The following HUWE1 variants were observed in gnomAD, a reference collection of about 807,000 sequenced individuals.
The protein encoded by HUWE1 is E3 ubiquitin-protein ligase HUWE1.
HUWE1 carries 18 observed loss-of-function variants against 299.4 expected under a neutral mutation model. The ratio of observed to expected loss-of-function variants is 0.06; its 90% CI spans 0.04 to 0.09. The LOEUF is 0.09. HUWE1 is among the 10% of genes least tolerant of loss of function. The pLI is 1.00. For missense variants in HUWE1, 1,832 were observed against 3,462.3 expected, an observed-to-expected ratio of 0.53 and a Z score of 11.82; for synonymous variants, 1,317 against 1,286.1, an observed-to-expected ratio of 1.02 and a Z score of -0.51.
chrX:53,557,720 G>T (rs1003462106), intron 59 of HUWE1, among the ~76,000 whole-genome samples: 2 of 111,884 alleles, frequency 1.8e-5, no homozygotes, highest in Non-Finnish European at 3.8e-5. Context: ...ATTCTAGCAA[G>T]AATTTCTTGG....
rs1556970176 is a variant in HUWE1 at position 53,583,678 on chromosome X, A to G, written c.5400T>C (p.Ser1800=). 8.3e-7 allele frequency: 1 copy of G among 1,208,103 alleles called. No homozygotes were observed. The highest frequency in any genetic ancestry group is 1.8e-5 in the African/African-American group (1 of 56,906). The change falls in exon 42 of 84, where the codon AGT becomes AGC. Residue 1800 remains serine (S), a synonymous_variant. Coordinates refer to ENST00000262854, the MANE Select transcript of HUWE1 (RefSeq NM_031407.7). ...KYAMMFAELK[S]TRMILNLTQS... Reference sequence around the variant, plus strand: ...GGGTCAAATTCAAGATCATGCGGGTACTCTTCAGTTCTGCAAACATCATGG... The same window carrying G: ...GGGTCAAATTCAAGATCATGCGGGTGCTCTTCAGTTCTGCAAACATCATGG...
chrX:53,673,767 A>C (rs2069671572), intron 3 of HUWE1, among the ~76,000 whole-genome samples: 1 of 111,817 alleles, frequency 8.9e-6, no homozygotes, highest in Admixed American at 9.5e-5. Flanking sequence ...AAATGTTAAA[A>C]ATGATCAATT....
rs782792610 is a variant in HUWE1, at chrX:53,633,510, AC to A, written c.567+725del. Among the ~76,000 whole-genome samples, 6 of 112,266 alleles carry A rather than the reference AC, an allele frequency of 5.3e-5. No individual in the cohort carries two copies. The South Asian group carries it at 2.2e-3, about 41-fold the overall frequency. On this transcript the variant is annotated intron_variant, in intron 8 of 83. Transcript: ENST00000262854. The stretch of plus-strand genomic sequence containing the variant: ...GTATGCCAGCTAACGTGGGAAAGTA[AC>A]TTGATCTAATCTGTGGTTTTCTGAG...
At chrX:53,568,360 G>C (rs1556947509) in intron 49 of HUWE1, among the ~76,000 whole-genome samples, 1 of 110,929 alleles carries the variant, frequency 9.0e-6, no homozygotes, top group Non-Finnish European at 1.9e-5. Context: ...AACCAATAAG[G>C]TAATCATGGT....
rs1556988767 is a variant in HUWE1, at chrX:53,600,102, A to G, written c.3163+16T>C. 1 of 1,197,506 alleles carries G rather than the reference A, an allele frequency of 8.4e-7. No individual in the cohort carries two copies. The highest frequency in any genetic ancestry group is 1.8e-5 in the South Asian group (1 of 56,697). ...ACTGAAAGCCAGAAAAGGTAGGAGA[A>G]AGGAGAATGACTCACCTGATAACAA... On this transcript the variant is annotated intron_variant, in intron 29 of 83. Coordinates refer to ENST00000262854, the MANE Select transcript of HUWE1 (RefSeq NM_031407.7).
intron 33 of HUWE1, 52 bp downstream of exon 33, chrX:53,592,346 C>T: frequency 1.1e-6 from 1 of 904,906 alleles, no homozygotes; most frequent in Admixed American, 2.2e-5. Context: ...GTAAGCATCA[C>T]ACTCCATTGG....
chrX:53,683,399 T>C (rs782656963), intron 2 of HUWE1, among the ~76,000 whole-genome samples: 2 of 109,756 alleles, frequency 1.8e-5, no homozygotes, highest in South Asian at 7.9e-4. Context: ...TTCATCCGGG[T>C]CGTCGGAGGT....
In HUWE1 at chrX:53,533,263, G is replaced by T; in HGVS notation, c.*46C>A. 3 of 856,003 alleles carry T rather than the reference G, an allele frequency of 3.5e-6. No homozygotes were observed. The highest frequency in any genetic ancestry group is 5.2e-6 in the Non-Finnish European group (3 of 579,310). 70.5% of individuals were successfully genotyped at this position (856,003 alleles called of 1,213,427 possible). On this transcript the variant is annotated 3_prime_UTR_variant, in exon 84 of 84. Coordinates refer to ENST00000262854, the MANE Select transcript of HUWE1 (RefSeq NM_031407.7). Reference sequence around the variant, plus strand: ...CTTTTTTTAACTCCCCCCTCCCCAGGTCCAACAATGGTAAAAAAAACCCCA... The same window carrying T: ...CTTTTTTTAACTCCCCCCTCCCCAGTTCCAACAATGGTAAAAAAAACCCCA...
chrX:53,536,068 A>G (rs2061048070), intron 80 of HUWE1, 79 bp downstream of exon 80: 2 of 614,594 alleles, frequency 3.3e-6, no homozygotes. Context: ...AAGGTCACGC[A>G]GTGCTAGTTC....
chrX:53,560,200 A>T lies in HUWE1; in HGVS notation c.7724T>A (p.Leu2575His). 1 of 1,184,468 alleles carries T rather than the reference A, an allele frequency of 8.4e-7. No homozygotes were observed. Among genetic ancestry groups the T allele is most frequent in the South Asian group, 1.8e-5 (1 of 54,063 alleles). The change falls in exon 56 of 84, where the codon CTT (leucine) becomes CAT (histidine). Residue 2575 changes from leucine to histidine, a missense_variant. Coordinates refer to ENST00000262854, the MANE Select transcript of HUWE1 (RefSeq NM_031407.7). ...CTCTGTAACTCACCTCTGCAGTATA[A>T]GAGGAGGGTTGGGCTGGCGATTCCC... ...YPGNRQPNPP[L>H]ILQRLLGPSA...
At chrX:53,616,144 C>G (rs1447647773) in intron 21 of HUWE1, among the ~76,000 whole-genome samples, 14 of 110,221 alleles carry the variant, frequency 1.3e-4, no homozygotes, top group Non-Finnish European at 2.3e-4. Context: ...CTCCTGAGCT[C>G]AAGTGATCTG....
At chrX:53,651,679 G>A (rs2068483056) in intron 4 of HUWE1, among the ~76,000 whole-genome samples, 1 of 111,051 alleles carries the variant, frequency 9.0e-6, no homozygotes, top group African/African-American at 3.3e-5. Flanking sequence ...ACACACGGAG[G>A]GCAGACTATA....
Position 53,586,877 on chromosome X carries a change from T to C in HUWE1, c.4647A>G (p.Glu1549=). 1 of 1,211,226 alleles carries C rather than the reference T, an allele frequency of 8.3e-7. No homozygotes were observed. The highest frequency in any genetic ancestry group is 1.1e-6 in the Non-Finnish European group (1 of 895,103). Residue 1549 remains glutamate, a synonymous_variant, in exon 38 of 84, where the codon GAA becomes GAG. Coordinates refer to ENST00000262854, the MANE Select transcript of HUWE1 (RefSeq NM_031407.7). ...ELKLPCAWVV[E]SSGILNVLIK... ...TTAGGACATTAAGGATGCCACTTGATTCAACCACCCAAGCACAAGGTAGCT... is the reference window on the plus strand; with the variant it reads ...TTAGGACATTAAGGATGCCACTTGACTCAACCACCCAAGCACAAGGTAGCT...
chrX:53,679,017 G>A (rs2069981763), intron 3 of HUWE1, among the ~76,000 whole-genome samples: 1 of 111,705 alleles, frequency 9.0e-6, no homozygotes, highest in South Asian at 3.7e-4. Flanking sequence ...CTCCAACTAG[G>A]ATACAGGAGA....
chrX:53,584,141 C>T (rs782055974), intron 41 of HUWE1, 45 bp downstream of exon 41: 5 of 1,160,421 alleles, frequency 4.3e-6, no homozygotes, highest in Non-Finnish European at 5.9e-6. Context: ...AGACCTTAAG[C>T]CACAAAGGCA....
chrX:53,564,872 G>C (rs1466478791), intron 50 of HUWE1, 150 bp from the exon 51 acceptor site: 2 of 865,176 alleles, frequency 2.3e-6, no homozygotes, highest in African/African-American at 3.9e-5. Context: ...AAAAGACAAG[G>C]CTACGTGTGA....
intron 57 of HUWE1, 55 bp downstream of exon 57, chrX:53,559,299 A>T: frequency 8.7e-7 from 1 of 1,143,096 alleles, no homozygotes; most frequent in Non-Finnish European, 1.2e-6. Context: ...TTTCCTCAGC[A>T]GGGAAAAAGT....
intron 7 of HUWE1, among the ~76,000 whole-genome samples, chrX:53,645,088 G>C (rs1286489534): frequency 8.9e-6 from 1 of 112,255 alleles, no homozygotes; most frequent in African/African-American, 3.2e-5. Context: ...CTTTTGAACA[G>C]AGAGATTTTG....
At chrX:53,675,058 G>A (rs1213559922) in intron 3 of HUWE1, among the ~76,000 whole-genome samples, 1 of 111,672 alleles carries the variant, frequency 9.0e-6, no homozygotes, top group African/African-American at 3.3e-5. Flanking sequence ...GAAATTTAGT[G>A]ATATACCCTA....
Sources: allele counts gnomAD v4.1 joint callset (sites outside exome capture counted in the v4.1 genomes callset), GRCh38; gene constraint gnomAD v4.1.1; transcripts MANE v1.5; gene names NCBI Gene and HGNC (gene_info 2026-07-23, HGNC 2026-07-21).